The following ANKS1B variants were observed in gnomAD, a reference collection of about 807,000 sequenced individuals.
ANKS1B encodes ankyrin repeat and sterile alpha motif domain containing 1B, also known as ankyrin repeat and sterile alpha motif domain-containing protein 1B.
ANKS1B carries 36 observed loss-of-function variants against 148.3 expected under a neutral mutation model. The ratio of observed to expected loss-of-function variants is 0.24; its 90% confidence interval spans 0.19 to 0.32. The LOEUF (loss-of-function observed/expected upper bound fraction) is 0.32, where lower values mean the gene tolerates loss of function less well. ANKS1B is among the 10% of genes least tolerant of loss of function. The probability of loss-of-function intolerance (pLI) is 1.00; values close to 1 mark genes in which losing one functional copy is unlikely to be tolerated. For missense variants in ANKS1B, 1,157 were observed against 1,542.6 expected, an observed-to-expected ratio of 0.75 and a Z score of 4.19; for synonymous variants, 542 against 560.8, an observed-to-expected ratio of 0.97 and a Z score of 0.47.
At chr12:99,411,048 T>C (rs1274413844) in intron 11 of ANKS1B, among the ~76,000 whole-genome samples, 1 of 152,132 alleles carries the variant, frequency 6.6e-6, no homozygotes, top group East Asian at 1.9e-4. Flanking sequence ...CAGGGGCACC[T>C]GGGTTGGAGG....
intron 19 of ANKS1B, among the ~76,000 whole-genome samples, chr12:98,810,618 A>G (rs2099087477): frequency 1.3e-5 from 2 of 152,220 alleles, no homozygotes; most frequent in Admixed American, 6.5e-5. Context: ...TAACACAAGT[A>G]TATCTAAATG....
At chr12:99,900,309 CA>C (rs2093551028) in intron 1 of ANKS1B, among the ~76,000 whole-genome samples, 1 of 151,602 alleles carries the variant, frequency 6.6e-6, no homozygotes, top group Non-Finnish European at 1.5e-5. Context: ...TGTTCGAGAA[CA>C]GCCTGGCTAC....
chr12:99,960,975 C>T (rs2095403288), intron 1 of ANKS1B, among the ~76,000 whole-genome samples: 1 of 152,140 alleles, frequency 6.6e-6, no homozygotes, highest in African/African-American at 2.4e-5. Flanking sequence ...CACCTGTAAT[C>T]CCAGCATTTT....
intron 1 of ANKS1B, among the ~76,000 whole-genome samples, chr12:99,948,442 C>T (rs979900548): frequency 7.3e-5 from 11 of 151,302 alleles, no homozygotes; most frequent in African/African-American, 2.2e-4. Flanking sequence ...ATTTACTTTG[C>T]CAAAATTAGT....
chr12:98,823,034 A>G (rs552079299), intron 19 of ANKS1B, among the ~76,000 whole-genome samples: 4 of 152,366 alleles, frequency 2.6e-5, no homozygotes, highest in East Asian at 1.9e-4. Context: ...TTAACTGACC[A>G]TATTAATAAA....
chr12:99,852,190 G>T (rs12811363), intron 1 of ANKS1B, among the ~76,000 whole-genome samples: 1 of 152,122 alleles, frequency 6.6e-6, no homozygotes, highest in African/African-American at 2.4e-5. Flanking sequence ...TCACCTTACG[G>T]GTTTTCTCAT....
chr12:99,341,684 A>G (rs1223156552), intron 12 of ANKS1B, among the ~76,000 whole-genome samples: 2 of 152,224 alleles, frequency 1.3e-5, no homozygotes, highest in African/African-American at 4.8e-5. Flanking sequence ...ATGGATACAG[A>G]ATGGGTAATC....
intron 15 of ANKS1B, among the ~76,000 whole-genome samples, chr12:99,106,801 G>C (rs988257655): frequency 3.9e-5 from 6 of 152,160 alleles, no homozygotes; most frequent in African/African-American, 1.4e-4. Context: ...CTTTTAGGTT[G>C]TCTTAAAATT....
chr12:99,189,235 C>T lies in ANKS1B; in HGVS notation c.2420-34840G>A, dbSNP rs371089855. Reference sequence around the variant, plus strand: ...AACCAAAAAAAAGTCCAGGACCAAACGGATTCGCAGCCGAATTCTACCAGT... The same window carrying T: ...AACCAAAAAAAAGTCCAGGACCAAATGGATTCGCAGCCGAATTCTACCAGT... On this transcript the variant is annotated intron_variant, in intron 14 of 26. Transcript: ENST00000683438. Among the ~76,000 whole-genome samples the T allele has an allele frequency of 9.9e-5, 15 of 152,184 alleles. No homozygotes were observed. In the East Asian group the frequency reaches 2.5e-3, roughly 25 times the overall value.
chr12:99,742,693 C>T (rs1251121514), intron 8 of ANKS1B, among the ~76,000 whole-genome samples: 1 of 151,902 alleles, frequency 6.6e-6, no homozygotes, highest in African/African-American at 2.4e-5. Flanking sequence ...AAAAAATTAG[C>T]CAGGCGTGGT....
chr12:99,818,026 C>T (rs2082085849), intron 2 of ANKS1B, among the ~76,000 whole-genome samples: 1 of 151,668 alleles, frequency 6.6e-6, no homozygotes, highest in African/African-American at 2.4e-5. Context: ...TCAACAAATA[C>T]AAAAATTCAG....
At chr12:99,288,414 G>A (rs1041687258) in intron 12 of ANKS1B, among the ~76,000 whole-genome samples, 1 of 152,050 alleles carries the variant, frequency 6.6e-6, no homozygotes, top group African/African-American at 2.4e-5. Flanking sequence ...GAAATGCTAA[G>A]GAGAGTTCTT....
At chr12:99,541,991 T>C (rs1339423142) in intron 9 of ANKS1B, among the ~76,000 whole-genome samples, 2 of 152,184 alleles carry the variant, frequency 1.3e-5, no homozygotes, top group African/African-American at 4.8e-5. Flanking sequence ...AACTGAATAT[T>C]TCCCCCTAAG....
At chr12:98,948,523 A>G (rs779504485) in intron 17 of ANKS1B, among the ~76,000 whole-genome samples, 2 of 152,132 alleles carry the variant, frequency 1.3e-5, no homozygotes, top group East Asian at 3.9e-4. Flanking sequence ...GCAAGTATGG[A>G]TATATATTCA....
intron 12 of ANKS1B, among the ~76,000 whole-genome samples, chr12:99,355,369 A>G (rs1311489025): frequency 6.6e-6 from 1 of 152,146 alleles, no homozygotes; most frequent in Non-Finnish European, 1.5e-5. Context: ...AATTTGAAGT[A>G]TTTGCAGTCT....
At chr12:99,156,201 A>G (rs989181174) in intron 14 of ANKS1B, among the ~76,000 whole-genome samples, 2 of 152,050 alleles carry the variant, frequency 1.3e-5, no homozygotes, top group African/African-American at 2.4e-5. Context: ...TCAGTCCCCA[A>G]ATTCTATCAT....
chr12:99,691,929 T>C (rs2153504622), intron 8 of ANKS1B, among the ~76,000 whole-genome samples: 1 of 152,214 alleles, frequency 6.6e-6, no homozygotes, highest in East Asian at 1.9e-4. Context: ...AGAAAACTCA[T>C]GGAATATGTT....
intron 12 of ANKS1B, among the ~76,000 whole-genome samples, chr12:99,316,109 T>C (rs1200309831): frequency 1.3e-5 from 2 of 152,224 alleles, no homozygotes; most frequent in Non-Finnish European, 2.9e-5. Context: ...TTTACTATTA[T>C]GAATAGTGCC....
At chr12:99,036,141 C>T (rs761393686) in intron 17 of ANKS1B, among the ~76,000 whole-genome samples, 2 of 152,094 alleles carry the variant, frequency 1.3e-5, no homozygotes, top group South Asian at 2.1e-4. Context: ...GATACATGAG[C>T]GACTGCAGCA....
Sources: allele counts gnomAD v4.1 joint callset (sites outside exome capture counted in the v4.1 genomes callset), GRCh38; gene constraint gnomAD v4.1.1; transcripts MANE v1.5; gene names NCBI Gene and HGNC (gene_info 2026-07-23, HGNC 2026-07-21).